CAMK1D: variants seen among roughly 807,000 people sequenced by gnomAD.
CAMK1D encodes calcium/calmodulin-dependent protein kinase type 1D.
A neutral mutation model predicts 47.7 loss-of-function variants in CAMK1D; 9 were observed. That is an observed-to-expected ratio of 0.19 (90% confidence interval 0.11 to 0.33). CAMK1D has a LOEUF of 0.33. Ranked by LOEUF, CAMK1D falls within the 10% of genes least tolerant of loss-of-function variation. The pLI is 1.00. For missense variants in CAMK1D, 291 were observed against 488.7 expected (o/e 0.60, Z 3.81); for synonymous variants, 184 against 184.9 (o/e 0.99, Z 0.04).
At chr10:12,579,243 A>G (rs939416311) in intron 2 of CAMK1D, among the ~76,000 whole-genome samples, 2 of 152,128 alleles carry the variant, frequency 1.3e-5, no homozygotes, top group Admixed American at 6.5e-5. Flanking sequence ...TTCTTGTTCC[A>G]CTTCCTGGGT....
intron 1 of CAMK1D, among the ~76,000 whole-genome samples, chr10:12,550,442 T>G (rs1324155551): frequency 6.6e-6 from 1 of 152,116 alleles, no homozygotes; most frequent in African/African-American, 2.4e-5. Context: ...AACTCTGAGG[T>G]GCAGCCACCT....
intron 4 of CAMK1D, among the ~76,000 whole-genome samples, chr10:12,765,987 C>A (rs1224855458): frequency 9.1e-6 from 1 of 110,454 alleles, no homozygotes; most frequent in African/African-American, 3.6e-5. Context: ...TTTTTTGAGA[C>A]AGAGTTTCGC....
chr10:12,556,273 A>G (rs1232777777), intron 2 of CAMK1D, among the ~76,000 whole-genome samples: 1 of 152,192 alleles, frequency 6.6e-6, no homozygotes, highest in Non-Finnish European at 1.5e-5. Flanking sequence ...TGTCATGGAG[A>G]CATTCATTCA....
At chr10:12,743,630 C>T (rs60754747) in intron 3 of CAMK1D, among the ~76,000 whole-genome samples, 18,372 of 152,192 alleles carry the variant, frequency 0.12, 2,770 homozygotes, top group African/African-American at 0.35. Flanking sequence ...AACATTCCTA[C>T]CACCCCCAAA....
At chr10:12,734,488 A>G (rs571687823) in intron 3 of CAMK1D, among the ~76,000 whole-genome samples, 1 of 140,220 alleles carries the variant, frequency 7.1e-6, no homozygotes, top group African/African-American at 2.7e-5. Flanking sequence ...ATATACACAT[A>G]TGTATATATA....
chr10:12,543,275 C>T (rs1269622057), intron 1 of CAMK1D, among the ~76,000 whole-genome samples: 2 of 152,152 alleles, frequency 1.3e-5, no homozygotes, highest in Non-Finnish European at 2.9e-5. Context: ...TCTCAAACTC[C>T]TGACCTCATG....
chr10:12,664,133 A>G (rs1434246586), intron 2 of CAMK1D, among the ~76,000 whole-genome samples: 1 of 152,198 alleles, frequency 6.6e-6, no homozygotes, highest in Non-Finnish European at 1.5e-5. Context: ...CTTAAAGGCA[A>G]TTCTACAGAA....
chr10:12,658,042 C>A (rs193060844), intron 2 of CAMK1D, among the ~76,000 whole-genome samples: 19 of 151,982 alleles, frequency 1.3e-4, no homozygotes, highest in African/African-American at 4.4e-4. Flanking sequence ...CCTAGCTACT[C>A]GGGAGGCTGA....
chr10:12,778,139 T>A (rs1263446066), intron 5 of CAMK1D, among the ~76,000 whole-genome samples: 1 of 152,238 alleles, frequency 6.6e-6, no homozygotes, highest in East Asian at 1.9e-4. Flanking sequence ...TAGGTCGAAG[T>A]GTTGGTTTCA....
At chr10:12,797,705 G>A (rs1218394695) in intron 6 of CAMK1D, among the ~76,000 whole-genome samples, 1 of 152,100 alleles carries the variant, frequency 6.6e-6, no homozygotes, top group Non-Finnish European at 1.5e-5. Context: ...TTTCAGAAAG[G>A]ACCTCGTCTC....
chr10:12,613,060 C>T (rs558473450), intron 2 of CAMK1D, among the ~76,000 whole-genome samples: 8 of 152,112 alleles, frequency 5.3e-5, no homozygotes, highest in Non-Finnish European at 7.4e-5. Context: ...GTAGTTGAAG[C>T]CAAAGATTGA....
At chr10:12,570,831 C>T (rs1190917752) in intron 2 of CAMK1D, among the ~76,000 whole-genome samples, 1 of 150,974 alleles carries the variant, frequency 6.6e-6, no homozygotes, top group Non-Finnish European at 1.5e-5. Context: ...CATGCCTGTG[C>T]TTCCCAGCTA....
intron 1 of CAMK1D, among the ~76,000 whole-genome samples, chr10:12,395,176 G>C (rs1307549417): frequency 6.8e-6 from 1 of 147,286 alleles, no homozygotes; most frequent in African/African-American, 2.5e-5. Context: ...GGTTCAAGCA[G>C]TCCTCCCACC....
intron 2 of CAMK1D, among the ~76,000 whole-genome samples, chr10:12,584,376 C>A (rs1837753548): frequency 6.6e-6 from 1 of 152,134 alleles, no homozygotes; most frequent in African/African-American, 2.4e-5. Context: ...AATGACCATG[C>A]TGGTGATGAT....
At chr10:12,391,928 T>C (rs1838746354) in intron 1 of CAMK1D, among the ~76,000 whole-genome samples, 1 of 151,498 alleles carries the variant, frequency 6.6e-6, no homozygotes, top group Non-Finnish European at 1.5e-5. Context: ...TAAATGGTAA[T>C]TGCACCACTG....
At chr10:12,679,584 A>T (rs1331765477) in intron 3 of CAMK1D, among the ~76,000 whole-genome samples, 1 of 152,196 alleles carries the variant, frequency 6.6e-6, no homozygotes. Context: ...TTGATGACTT[A>T]TTAAAGAAAC....
At chr10:12,789,522 G>A (rs909414531) in intron 5 of CAMK1D, among the ~76,000 whole-genome samples, 2 of 152,200 alleles carry the variant, frequency 1.3e-5, no homozygotes, top group Non-Finnish European at 2.9e-5. Context: ...CATGGTAGTT[G>A]TCAGAGTTCA....
intron 3 of CAMK1D, among the ~76,000 whole-genome samples, chr10:12,728,236 G>A (rs1834743267): frequency 6.6e-6 from 1 of 152,162 alleles, no homozygotes; most frequent in Non-Finnish European, 1.5e-5. Context: ...TTGCATTTTT[G>A]TTCGATTAAA....
chr10:12,528,109 T>C (rs1415843675), intron 1 of CAMK1D, among the ~76,000 whole-genome samples: 1 of 152,252 alleles, frequency 6.6e-6, no homozygotes, highest in Non-Finnish European at 1.5e-5. Flanking sequence ...TGGGTAGTGT[T>C]AGTCCCATTT....
Sources: allele counts gnomAD v4.1 joint callset (sites outside exome capture counted in the v4.1 genomes callset), GRCh38; gene constraint gnomAD v4.1.1; transcripts MANE v1.5; gene names NCBI Gene and HGNC (gene_info 2026-07-23, HGNC 2026-07-21).